JAKMIP3: variants seen among roughly 807,000 people sequenced by gnomAD.
The protein encoded by JAKMIP3 is janus kinase and microtubule-interacting protein 3.
JAKMIP3 carries 58 observed loss-of-function variants against 118.5 expected under a neutral mutation model. The observed-to-expected ratio is 0.49, with a 90% CI of 0.40 to 0.61. JAKMIP3 has a LOEUF of 0.61. JAKMIP3 is among the 20% of genes least tolerant of loss of function. The pLI, the probability that JAKMIP3 is intolerant of heterozygous loss-of-function variation, is 0.00. For missense variants in JAKMIP3, 950 were observed against 1,109.0 expected (o/e 0.86, Z 2.04); for synonymous variants, 486 against 451.2 (o/e 1.08, Z -0.98).
chr10:132,100,582 CCACCCCCAGGGCCGGAGCGCA>C (rs1483386424), intron 1 of JAKMIP3, among the ~76,000 whole-genome samples: 2 of 151,500 alleles, frequency 1.3e-5, no homozygotes, highest in African/African-American at 4.8e-5. Flanking sequence ...AACCTAGCAG[CCACCCCCAGGGCCGGAGCGCA>C]GGCCACGCCC....
At chr10:132,114,416 G>T (rs1315166282) in intron 2 of JAKMIP3, among the ~76,000 whole-genome samples, 1 of 152,016 alleles carries the variant, frequency 6.6e-6, no homozygotes, top group Non-Finnish European at 1.5e-5. Context: ...GTACAGATGG[G>T]GTCTCACTGT....
In JAKMIP3 at chr10:132,184,019, G is replaced by A. The variant is rs1338469217; in HGVS notation, c.*2766G>A. Reference sequence around the variant, plus strand: ...TATGAATGCATCACCCCCTAATAAGGCAAGAGGAAGGACCCTGAAATGTTG... The same window carrying A: ...TATGAATGCATCACCCCCTAATAAGACAAGAGGAAGGACCCTGAAATGTTG... On this transcript the variant is annotated 3_prime_UTR_variant, in exon 24 of 24. Transcript: ENST00000684848. The A allele has an allele frequency of 6.6e-6, 1 of 152,142 alleles. No homozygotes were observed. The highest frequency in any genetic ancestry group is 2.4e-5 in the African/African-American group (1 of 41,428). 9.4% of individuals were successfully genotyped at this position (152,142 alleles called of 1,614,324 possible).
At chr10:132,070,039 C>T (rs1174930664) in intron 1 of JAKMIP3, among the ~76,000 whole-genome samples, 2 of 152,198 alleles carry the variant, frequency 1.3e-5, no homozygotes, top group African/African-American at 4.8e-5. Flanking sequence ...GTGAGAGGTG[C>T]GGCTGCTGAT....
At chr10:132,098,079 A>C (rs994976894) in intron 1 of JAKMIP3, among the ~76,000 whole-genome samples, 1 of 145,140 alleles carries the variant, frequency 6.9e-6, no homozygotes, top group Non-Finnish European at 1.5e-5. Context: ...TCTGTTGTCC[A>C]GGTGGGAGTG....
intron 4 of JAKMIP3, among the ~76,000 whole-genome samples, chr10:132,133,773 C>T (rs1231156411): frequency 1.3e-5 from 2 of 152,256 alleles, no homozygotes; most frequent in Admixed American, 6.5e-5. Flanking sequence ...GGCCCTGTCA[C>T]CCTCCCGTGG....
intron 23 of JAKMIP3, among the ~76,000 whole-genome samples, chr10:132,180,763 G>A (rs1322837549): frequency 2.9e-5 from 1 of 33,946 alleles, no homozygotes; most frequent in African/African-American, 1.1e-4. Flanking sequence ...GTGTGTGCGT[G>A]TGTGTGCGTG....
At chr10:132,137,407 C>T (rs1023033712) in intron 8 of JAKMIP3, 118 bp downstream of exon 8, 31 of 1,309,000 alleles carry the variant, frequency 2.4e-5, no homozygotes, top group African/African-American at 5.8e-5. Context: ...GGCAGCCTTT[C>T]GGGTGGATTT....
rs1257478085 is a variant in JAKMIP3, at chr10:132,042,216, T to TTCCTTCCTTCCTTCC, written c.-138+5480_-138+5481insCTTCCTTCCTTCCTC. ...CTTCCTTCCTTCCTTCCTTCCTTCC[T>TTCCTTCCTTCCTTCC]TCTTTCCTCCTCCTCCTTTCACAGG... On this transcript the variant is annotated intron_variant, in intron 1 of 23. Transcript: ENST00000657785. 9.9e-4 allele frequency among the ~76,000 whole-genome samples: 150 copies of TTCCTTCCTTCCTTCC among 151,068 alleles called. 1 individual carries two copies. Among genetic ancestry groups the TTCCTTCCTTCCTTCC allele is most frequent in the African/African-American group, 3.6e-3 (146 of 40,842 alleles).
chr10:132,072,859 A>C (rs571938041), intron 1 of JAKMIP3, among the ~76,000 whole-genome samples: 1 of 152,266 alleles, frequency 6.6e-6, no homozygotes, highest in South Asian at 2.1e-4. Context: ...CCATTACCTG[A>C]ATAGTGAACA....
At chr10:132,159,379 G>T (rs2057578646) in intron 19 of JAKMIP3, among the ~76,000 whole-genome samples, 1 of 85,296 alleles carries the variant, frequency 1.2e-5, no homozygotes, top group African/African-American at 4.6e-5. Flanking sequence ...TGGTTGGGGG[G>T]GGTCTATTCC....
chr10:132,120,925 G>T (rs957243166), intron 3 of JAKMIP3, among the ~76,000 whole-genome samples: 5 of 152,260 alleles, frequency 3.3e-5, no homozygotes, highest in African/African-American at 1.2e-4. Context: ...AGGCAGGTGT[G>T]TGGCCGCTCG....
intron 1 of JAKMIP3, among the ~76,000 whole-genome samples, chr10:132,096,383 G>C (rs777782746): frequency 1.3e-5 from 2 of 152,122 alleles, no homozygotes; most frequent in Non-Finnish European, 2.9e-5. Flanking sequence ...GAAAACCACC[G>C]GAGAGTGACT....
At chr10:132,151,742 C>T (rs983701710) in intron 16 of JAKMIP3, among the ~76,000 whole-genome samples, 1 of 152,126 alleles carries the variant, frequency 6.6e-6, no homozygotes, top group Admixed American at 6.5e-5. Flanking sequence ...CATAGCTGTC[C>T]ACCAAGAGTG....
intron 3 of JAKMIP3, among the ~76,000 whole-genome samples, chr10:132,126,938 T>C (rs2049681549): frequency 1.3e-5 from 2 of 152,202 alleles, no homozygotes; most frequent in African/African-American, 4.8e-5. Context: ...GTATCTAGAT[T>C]TGGCTGGCCT....
chr10:132,161,190 T>C (rs1246965760), intron 19 of JAKMIP3, among the ~76,000 whole-genome samples: 75 of 6,216 alleles, frequency 0.012, no homozygotes, highest in East Asian at 0.035. Flanking sequence ...GGGGGTCTCT[T>C]CCTGTGTGAT....
At chr10:132,127,417 T>TGTGTGTGC (rs34435836) in intron 3 of JAKMIP3, among the ~76,000 whole-genome samples, 28 of 150,086 alleles carry the variant, frequency 1.9e-4, no homozygotes, top group South Asian at 1.1e-3. Context: ...TGTGTGTGTG[T>TGTGTGTGC]GCGTGTGTGT....
rs376695053 is a variant in JAKMIP3, at chr10:132,117,419, G to A, written c.478G>A (p.Glu160Lys). 15 of 1,613,854 alleles carry A rather than the reference G, an allele frequency of 9.3e-6. No homozygotes were observed. Among genetic ancestry groups the A allele is most frequent in the East Asian group, 2.2e-5 (1 of 44,872 alleles). Residue 160 changes from glutamate (E) to lysine (K), a missense_variant, in exon 3 of 24, where the codon GAG (glutamate) becomes AAG (lysine). Glu to Lys is a moderately conservative substitution (Grantham distance 56). Coordinates refer to ENST00000684848, the MANE Select transcript of JAKMIP3 (RefSeq NM_001323087.2). This position sits in a 1 kb window ranked among gnomAD's most constrained non-coding sequence, Gnocchi z 8.6. ...EKVKMQQEIS[E>K]LKGAKRQVEE... ...GGTCAAGATGCAGCAGGAGATCTCC[G>A]AGCTCAAGGGCGCCAAAAGGCAGGT...
chr10:132,118,217 G>A lies in JAKMIP3; in HGVS notation c.633+643G>A, dbSNP rs938139833. Among the ~76,000 whole-genome samples, 6 of 152,320 alleles carry A rather than the reference G, an allele frequency of 3.9e-5. No individual in the cohort carries two copies. The highest frequency in any genetic ancestry group is 1.4e-4 in the African/African-American group (6 of 41,570). On this transcript the variant is annotated intron_variant, in intron 3 of 23. Transcript: ENST00000684848. The surrounding 1 kb of genome is among the most constrained non-coding windows in gnomAD (Gnocchi z 4.8). ...AGGTCTAACGTTGGCATCTGGTGCA[G>A]CCTAATAGCTCCAGAGACCTGGGCA...
chr10:132,064,431 G>A (rs943866442), upstream of JAKMIP3, among the ~76,000 whole-genome samples: 26 of 152,142 alleles, frequency 1.7e-4, no homozygotes, highest in Admixed American at 1.2e-3. The surrounding 1 kb of genome is among the most constrained non-coding windows in gnomAD (Gnocchi z 4.4). Context: ...GGGGTCGGGC[G>A]TGGACCCCGA....
Sources: allele counts gnomAD v4.1 joint callset (sites outside exome capture counted in the v4.1 genomes callset), GRCh38; gene constraint gnomAD v4.1.1; non-coding constraint Gnocchi (gnomAD v3.1); transcripts MANE v1.5; gene names NCBI Gene and HGNC (gene_info 2026-07-23, HGNC 2026-07-21).